SHC3: variants seen among roughly 807,000 people sequenced by gnomAD.
The protein encoded by SHC3 is SHC adaptor protein 3.
In SHC3, 15 loss-of-function variants were observed where a neutral mutation model predicts 60.4. The observed-to-expected ratio is 0.25, with a 90% CI of 0.17 to 0.38. The LOEUF (loss-of-function observed/expected upper bound fraction) is 0.38, where lower values mean the gene tolerates loss of function less well. Among genes scored for constraint, SHC3 ranks in the 10% least tolerant of loss-of-function variants. The pLI is 1.00. For missense variants in SHC3, 677 were observed against 786.1 expected, an observed-to-expected ratio of 0.86 and a Z score of 1.66; for synonymous variants, 294 against 325.9, an observed-to-expected ratio of 0.90 and a Z score of 1.05.
chr9:89,148,772 G>A (rs1023520034), intron 1 of SHC3, among the ~76,000 whole-genome samples: 4 of 152,146 alleles, frequency 2.6e-5, no homozygotes, highest in African/African-American at 9.7e-5. Context: ...CACTCACATA[G>A]AAGAAGAAAA....
In SHC3 at chr9:89,013,393, C is replaced by T. The variant is rs1238987902; in HGVS notation, c.*54G>A. ...CAGTTCCAGCAGCCCCGATTCTAGT[C>T]CACTCCAGGTCCTCCTGACCTGGTG... On this transcript the variant is annotated 3_prime_UTR_variant, in exon 12 of 12. Coordinates refer to ENST00000375835, the MANE Select transcript of SHC3 (RefSeq NM_016848.6). 2.8e-6 allele frequency: 4 copies of T among 1,423,086 alleles called. No homozygotes were observed. Among genetic ancestry groups the T allele is most frequent in the East Asian group, 2.6e-5 (1 of 39,036 alleles). 88.2% of individuals were successfully genotyped at this position (1,423,086 alleles called of 1,614,324 possible).
At chr9:89,121,868 G>A (rs1826097237) in intron 1 of SHC3, among the ~76,000 whole-genome samples, 1 of 152,192 alleles carries the variant, frequency 6.6e-6, no homozygotes. Flanking sequence ...ATGAAGAAGT[G>A]TATTATGAGG....
At chr9:89,170,356 C>T (rs1165460319) in intron 1 of SHC3, among the ~76,000 whole-genome samples, 11 of 152,224 alleles carry the variant, frequency 7.2e-5, no homozygotes, top group Non-Finnish European at 1.2e-4. Flanking sequence ...TAGAAAGATG[C>T]ATATGTCGGC....
intron 2 of SHC3, among the ~76,000 whole-genome samples, chr9:89,085,639 T>G (rs1448471136): frequency 3.3e-5 from 5 of 152,216 alleles, no homozygotes; most frequent in African/African-American, 1.2e-4. Flanking sequence ...CCATAATTGT[T>G]CCACTCCGGG....
chr9:89,020,383 T>C (rs1227258381), intron 11 of SHC3, among the ~76,000 whole-genome samples: 4 of 151,788 alleles, frequency 2.6e-5, no homozygotes, highest in Non-Finnish European at 5.9e-5. Context: ...ACATTGTGGG[T>C]GTGGGGGCCT....
chr9:89,168,295 T>C (rs534497867), intron 1 of SHC3, among the ~76,000 whole-genome samples: 183 of 152,178 alleles, frequency 1.2e-3, no homozygotes, highest in Admixed American at 2.6e-3. Flanking sequence ...GAGAAACCCC[T>C]TCTCTACCAA....
At chr9:89,053,025 T>G (rs539158333) in intron 6 of SHC3, among the ~76,000 whole-genome samples, 70 of 152,246 alleles carry the variant, frequency 4.6e-4, no homozygotes, top group African/African-American at 1.6e-3. Flanking sequence ...AAGTAGTACT[T>G]TTTCTCCAGG....
At chr9:89,119,801 T>C (rs539734934) in intron 1 of SHC3, among the ~76,000 whole-genome samples, 4 of 152,344 alleles carry the variant, frequency 2.6e-5, no homozygotes, top group Middle Eastern at 3.4e-3. Context: ...TAATAAAAGA[T>C]GATCCTTAAG....
chr9:89,140,344 C>A (rs11525128), intron 1 of SHC3, among the ~76,000 whole-genome samples: 16,397 of 151,758 alleles, frequency 0.11, 971 homozygotes, highest in African/African-American at 0.15. Context: ...TTCCCCCCCC[C>A]AGATTAAGGG....
At chr9:89,108,349 C>T (rs78391207) in intron 2 of SHC3, among the ~76,000 whole-genome samples, 3 of 140,530 alleles carry the variant, frequency 2.1e-5, no homozygotes, top group Non-Finnish European at 4.7e-5. Flanking sequence ...CCCACCTCTA[C>T]CAAAAAAAAA....
At chr9:89,124,124 T>C (rs1587739767) in intron 1 of SHC3, among the ~76,000 whole-genome samples, 1 of 149,230 alleles carries the variant, frequency 6.7e-6, no homozygotes, top group Admixed American at 6.7e-5. Context: ...GAAATGCAAA[T>C]CAAAACCACA....
chr9:89,064,601 G>A (rs1305270631), intron 6 of SHC3, among the ~76,000 whole-genome samples: 2 of 152,122 alleles, frequency 1.3e-5, no homozygotes, highest in East Asian at 1.9e-4. Flanking sequence ...CCCACTCTCT[G>A]AGGCCTGAGC....
At position 89,132,384 on chromosome 9, in the gene SHC3, T is replaced by C. The variant is rs186017007; in HGVS notation, c.475-19758A>G. 1.4e-4 allele frequency among the ~76,000 whole-genome samples: 22 copies of C among 152,316 alleles called. No individual in the cohort carries two copies. The East Asian group carries it at 4.2e-3, about 29-fold the overall frequency. ...CATCCCCATCAAGCTATCGACGACTTTCTTCACAGAATTGGAAAAAACTAC... is the reference window on the plus strand; with the variant it reads ...CATCCCCATCAAGCTATCGACGACTCTCTTCACAGAATTGGAAAAAACTAC... On this transcript the variant is annotated intron_variant, in intron 1 of 11. Coordinates refer to ENST00000375835, the MANE Select transcript of SHC3 (RefSeq NM_016848.6).
chr9:89,087,225 C>T (rs1168581117), intron 2 of SHC3, among the ~76,000 whole-genome samples: 1 of 152,198 alleles, frequency 6.6e-6, no homozygotes, highest in African/African-American at 2.4e-5. Flanking sequence ...TAAACATCGT[C>T]AATCAGAAAA....
At chr9:89,099,336 T>G (rs1825750272) in intron 2 of SHC3, among the ~76,000 whole-genome samples, 1 of 152,198 alleles carries the variant, frequency 6.6e-6, no homozygotes, top group South Asian at 2.1e-4. Context: ...GTGAAATAAG[T>G]TAAAGTTATC....
chr9:89,015,949 A>C (rs953548314), intron 11 of SHC3, among the ~76,000 whole-genome samples: 1 of 152,360 alleles, frequency 6.6e-6, no homozygotes, highest in African/African-American at 2.4e-5. Flanking sequence ...ACCTTAGGAA[A>C]CTAGAAAAAG....
intron 1 of SHC3, among the ~76,000 whole-genome samples, chr9:89,174,897 T>C (rs1441507593): frequency 6.6e-6 from 1 of 152,214 alleles, no homozygotes; most frequent in Non-Finnish European, 1.5e-5. Flanking sequence ...CCACCGTGGA[T>C]CTGAGGACAG....
chr9:89,058,124 C>T (rs949325736), intron 6 of SHC3, among the ~76,000 whole-genome samples: 1 of 152,050 alleles, frequency 6.6e-6, no homozygotes, highest in Non-Finnish European at 1.5e-5. Flanking sequence ...TTGTTTCAGG[C>T]CACCTAGTTT....
chr9:89,065,543 G>T lies in SHC3; in HGVS notation c.821C>A (p.Pro274His). 1 of 1,614,100 alleles carries T rather than the reference G, an allele frequency of 6.2e-7. No homozygotes were observed. The highest frequency in any genetic ancestry group is 8.5e-7 in the Non-Finnish European group (1 of 1,180,010). ...TDYVAYVAKD[P>H]VNRRACHILE... is the part of the protein sequence containing the mutation. ...GCACCGCTTACCTCTGCGATTAACA[G>T]GGTCCTTAGCCACATATGCAACATA... The change falls in exon 6 of 12, where the codon CCT becomes CAT. Residue 274 changes from proline to histidine, a missense_variant. Physicochemically the swap from Pro to His is moderately conservative, Grantham distance 77. Transcript: ENST00000375835.
Sources: allele counts gnomAD v4.1 joint callset (sites outside exome capture counted in the v4.1 genomes callset), GRCh38; gene constraint gnomAD v4.1.1; transcripts MANE v1.5; gene names NCBI Gene and HGNC (gene_info 2026-07-23, HGNC 2026-07-21).